COL5A2: variants seen among roughly 807,000 people sequenced by gnomAD.
The protein encoded by COL5A2 is collagen type V alpha 2 chain, also known as collagen alpha-2(V) chain.
Under a neutral mutation model 208.2 loss-of-function variants are expected in COL5A2, and 23 were observed. The ratio of observed to expected loss-of-function variants is 0.11; its 90% CI spans 0.08 to 0.16. The LOEUF is 0.16. Among genes scored for constraint, COL5A2 ranks in the 10% least tolerant of loss-of-function variants. The pLI, the probability that COL5A2 is intolerant of heterozygous loss-of-function variation, is 1.00. For missense variants in COL5A2, 1,590 were observed against 1,956.4 expected, an observed-to-expected ratio of 0.81 and a Z score of 3.53; for synonymous variants, 625 against 628.5, an observed-to-expected ratio of 0.99 and a Z score of 0.08.
chr2:189,440,636 G>C, the COL5A2 span, among the ~76,000 whole-genome samples: 18 of 152,134 alleles, frequency 1.2e-4, no homozygotes, highest in Non-Finnish European at 2.4e-4. Flanking sequence ...ATCAAAATAG[G>C]CAACATAATA....
intron 47 of COL5A2, among the ~76,000 whole-genome samples, chr2:189,044,110 C>T (rs1298850968): frequency 6.6e-6 from 1 of 152,104 alleles, no homozygotes; most frequent in Non-Finnish European, 1.5e-5. Flanking sequence ...TACTATAGAA[C>T]CGGATTCTGT....
chr2:189,311,381 T>C, the COL5A2 span: 6 of 979,074 alleles, frequency 6.1e-6, no homozygotes, highest in Non-Finnish European at 9.7e-6. Flanking sequence ...ATCACCAAGA[T>C]TGAAGTCCTC....
Position 189,057,287 on chromosome 2 carries a change from A to T in COL5A2, c.2337+33T>A, listed in dbSNP as rs1489904158. The T allele has an allele frequency of 5.6e-6, 6 of 1,071,758 alleles. No individual in the cohort carries two copies. In the African/African-American group the frequency reaches 7.2e-5, roughly 13 times the overall value. 66.4% of individuals were successfully genotyped at this position (1,071,758 alleles called of 1,614,324 possible). A position where few individuals can be genotyped will look rare whatever the true frequency, so the allele number is the denominator to read the frequency against. On this transcript the variant is annotated intron_variant, in intron 34 of 53. Transcript: ENST00000374866. ...TTCAGCAGAAAGTCTGAATAAATGAACTGAAAAAAAAAAAAAAAAAAAAAG... is the reference window on the plus strand; with the variant it reads ...TTCAGCAGAAAGTCTGAATAAATGATCTGAAAAAAAAAAAAAAAAAAAAAG...
chr2:189,227,150 G>A (rs750542675), upstream of COL5A2, among the ~76,000 whole-genome samples: 13 of 152,056 alleles, frequency 8.5e-5, no homozygotes, highest in Non-Finnish European at 1.6e-4. Flanking sequence ...CAAAGAGTGA[G>A]AGAGGTGGTT....
chr2:189,335,554 C>T, the COL5A2 span, among the ~76,000 whole-genome samples: 1 of 152,056 alleles, frequency 6.6e-6, no homozygotes, highest in Non-Finnish European at 1.5e-5. Context: ...ATGGAAACAA[C>T]CCAAATGCCT....
chr2:189,268,021 A>T, the COL5A2 span, among the ~76,000 whole-genome samples: 1 of 152,148 alleles, frequency 6.6e-6, no homozygotes, highest in Non-Finnish European at 1.5e-5. Flanking sequence ...TGTGGGCTTT[A>T]TATGTTTCCC....
At chr2:189,392,891 A>G in the COL5A2 span, among the ~76,000 whole-genome samples, 1 of 152,224 alleles carries the variant, frequency 6.6e-6, no homozygotes, top group African/African-American at 2.4e-5. Context: ...TACTACCAGT[A>G]GGTAAGAAGA....
At chr2:189,413,856 A>G in the COL5A2 span, among the ~76,000 whole-genome samples, 1 of 137,078 alleles carries the variant, frequency 7.3e-6, no homozygotes, top group Non-Finnish European at 1.5e-5. Context: ...CAGTGGCACA[A>G]TCTCAGCTCA....
the COL5A2 span, among the ~76,000 whole-genome samples, chr2:189,419,442 A>G: frequency 1.3e-5 from 2 of 152,184 alleles, no homozygotes; most frequent in Admixed American, 1.3e-4. Flanking sequence ...GTAGAACCAC[A>G]ACAACTGCCT....
At chr2:189,245,023 T>C in the COL5A2 span, among the ~76,000 whole-genome samples, 2 of 152,202 alleles carry the variant, frequency 1.3e-5, no homozygotes, top group East Asian at 3.9e-4. Context: ...TAAGATCTCA[T>C]GAGACTTATT....
intron 1 of COL5A2, among the ~76,000 whole-genome samples, chr2:189,212,262 A>G (rs1689222788): frequency 6.6e-6 from 1 of 152,166 alleles, no homozygotes; most frequent in South Asian, 2.1e-4. Context: ...GCTTACTGGA[A>G]CTAGGAGGCA....
At chr2:189,203,977 A>C (rs1312863546) in intron 1 of COL5A2, among the ~76,000 whole-genome samples, 2 of 151,338 alleles carry the variant, frequency 1.3e-5, no homozygotes, top group Non-Finnish European at 2.9e-5. Context: ...GGCTCACTGC[A>C]AGCTCTGCCT....
Position 189,061,657 on chromosome 2 carries a change from C to A in COL5A2, c.1978-42G>T, listed in dbSNP as rs1267515679. The A allele has an allele frequency of 3.6e-6, 5 of 1,394,548 alleles. No homozygotes were observed. The African/African-American group carries it at 4.3e-5, about 12-fold the overall frequency. 86.4% of individuals were successfully genotyped at this position (1,394,548 alleles called of 1,614,324 possible). On this transcript the variant is annotated intron_variant, in intron 29 of 53. Transcript: ENST00000374866. ...AAAATAATTGTGAATATAACCAGAT[C>A]TTTGTCTGCTTCCTCTCTACGTGAA...
intron 2 of COL5A2, among the ~76,000 whole-genome samples, chr2:189,107,057 TAAATAATA>T (rs1687165338): frequency 6.6e-6 from 1 of 151,532 alleles, no homozygotes; most frequent in Non-Finnish European, 1.5e-5. Context: ...ACTTTTGCTG[TAAATAATA>T]TACTTCCTTC....
At chr2:189,252,633 G>T in the COL5A2 span, among the ~76,000 whole-genome samples, 3 of 151,960 alleles carry the variant, frequency 2.0e-5, no homozygotes, top group African/African-American at 7.2e-5. Context: ...GAGTGGGGAG[G>T]GATAGCATTA....
In COL5A2 at chr2:189,081,060, G is replaced by C. The variant is rs780001705; in HGVS notation, c.853-17C>G. 6 of 1,610,988 alleles carry C rather than the reference G, an allele frequency of 3.7e-6. No individual in the cohort carries two copies. Among genetic ancestry groups the C allele is most frequent in the South Asian group, 1.1e-5 (1 of 91,042 alleles). On this transcript the variant is annotated splice_polypyrimidine_tract_variant and intron_variant, in intron 12 of 53. Transcript: ENST00000374866. ...ACGAGCTCCCTGGGAGGAAAACATAGATAGGGCATTTTACAGTCATTAATA... is the reference window on the plus strand; with the variant it reads ...ACGAGCTCCCTGGGAGGAAAACATACATAGGGCATTTTACAGTCATTAATA...
the COL5A2 span, among the ~76,000 whole-genome samples, chr2:189,401,468 A>G: frequency 1.3e-5 from 2 of 152,136 alleles, no homozygotes. Flanking sequence ...TCAATTATTG[A>G]TGGACATTTA....
At chr2:189,286,169 A>C in the COL5A2 span, among the ~76,000 whole-genome samples, 849 of 152,044 alleles carry the variant, frequency 5.6e-3, 8 homozygotes, top group African/African-American at 0.019. Context: ...TTGGCATCAC[A>C]TTTAAGAAAT....
intron 1 of COL5A2, among the ~76,000 whole-genome samples, chr2:189,137,701 G>C (rs2105765791): frequency 6.6e-6 from 1 of 152,222 alleles, no homozygotes; most frequent in African/African-American, 2.4e-5. Flanking sequence ...GTGAGTTGGG[G>C]GCGGGGGATG....
Sources: gnomAD v4.1 joint callset for allele counts (sites outside exome capture counted in the v4.1 genomes callset) on GRCh38, gnomAD v4.1.1 for gene constraint, MANE v1.5 for transcripts, NCBI Gene and HGNC (gene_info 2026-07-23, HGNC 2026-07-21) for gene names.